The following CALB2 variants were observed in gnomAD, a reference collection of about 807,000 sequenced individuals.
CALB2 encodes the protein calbindin 2.
In CALB2, 34 loss-of-function variants were observed where a neutral mutation model predicts 45.9. That is an observed-to-expected ratio of 0.74 (90% CI 0.56 to 0.99). The LOEUF (loss-of-function observed/expected upper bound fraction) is 0.99. Ranked by LOEUF, CALB2 falls within the 50% of genes least tolerant of loss-of-function variation. The probability of loss-of-function intolerance (pLI) is 0.00; values close to 1 mark genes in which losing one functional copy is unlikely to be tolerated. For synonymous variants in CALB2, 142 were observed against 129.6 expected (o/e 1.10, Z -0.65); for missense variants, 344 against 339.3 (o/e 1.01, Z -0.11).
Position 71,389,800 on chromosome 16 carries a change from G to T in CALB2, c.751G>T (p.Ala251Ser). ...CTACAGAAAGAGCGTCATGTCCTTG[G>T]CAGAGGCAGGGAAGCTCTACCGCAA... ...TNYRKSVMSL[A>S]EAGKLYRKDL... is the part of the protein sequence containing the mutation. The change falls in exon 11 of 11, where the codon GCA (alanine) becomes TCA (serine). Residue 251 changes from alanine to serine, a missense_variant. Physicochemically the swap from Ala to Ser is moderately conservative, Grantham distance 99. Coordinates refer to ENST00000302628, the MANE Select transcript of CALB2 (RefSeq NM_001740.5). The T allele has an allele frequency of 6.2e-7, 1 of 1,614,026 alleles. No homozygotes were observed. Among genetic ancestry groups the T allele is most frequent in the East Asian group, 2.2e-5 (1 of 44,868 alleles).
intron 10 of CALB2, chr16:71,389,471 A>G (rs2042610917): frequency 1.7e-6 from 1 of 588,470 alleles, no homozygotes; most frequent in Non-Finnish European, 3.2e-6. Context: ...CACCTCCATG[A>G]GGCATGAACT....
chr16:71,383,835 TC>T, intron 6 of CALB2, 134 bp from the exon 7 acceptor site: 1 of 996,194 alleles, frequency 1.0e-6, no homozygotes, highest in Middle Eastern at 2.1e-4. Context: ...CCATGTTGGT[TC>T]TTGGCCCCTA....
At chr16:71,360,775 GACC>G (rs2042230218) in intron 1 of CALB2, among the ~76,000 whole-genome samples, 1 of 152,204 alleles carries the variant, frequency 6.6e-6, no homozygotes, top group Non-Finnish European at 1.5e-5. Context: ...CTGCTGGGCA[GACC>G]ATGACTCCCC....
chr16:71,358,840 G>A lies in CALB2; in HGVS notation c.48G>A (p.Leu16=). ...QQPPYLHLAE[L]TASQFLEIWK... is the part of the protein sequence containing the mutation. Reference sequence around the variant, plus strand: ...CCCCTTACCTGCACCTGGCCGAGCTGACGGCGTCCCAGTTCCTGGAAATAT... The same window carrying A: ...CCCCTTACCTGCACCTGGCCGAGCTAACGGCGTCCCAGTTCCTGGAAATAT... The change falls in exon 1 of 11, where the codon CTG becomes CTA. Residue 16 remains leucine, a synonymous_variant. Transcript: ENST00000302628. The A allele has an allele frequency of 6.2e-7, 1 of 1,612,940 alleles. No individual in the cohort carries two copies. The highest frequency in any genetic ancestry group is 8.5e-7 in the Non-Finnish European group (1 of 1,179,810).
chr16:71,365,023 G>C (rs1377038528), intron 1 of CALB2, among the ~76,000 whole-genome samples: 1 of 152,204 alleles, frequency 6.6e-6, no homozygotes, highest in Non-Finnish European at 1.5e-5. Flanking sequence ...GTGGGAAGTG[G>C]AAAGCTTTTT....
chr16:71,374,885 C>A, intron 3 of CALB2, 51 bp downstream of exon 3: 1 of 1,271,170 alleles, frequency 7.9e-7, no homozygotes, highest in Non-Finnish European at 1.1e-6. Flanking sequence ...CCCTGGGTCC[C>A]TGTGCCTCTC....
At chr16:71,366,165 T>TACAGGCACAC (rs2042285394) in intron 1 of CALB2, among the ~76,000 whole-genome samples, 1 of 150,394 alleles carries the variant, frequency 6.6e-6, no homozygotes. Context: ...TAGATGGGAC[T>TACAGGCACAC]ACGTGTGCCC....
chr16:71,372,130 A>AT (rs776380460), intron 1 of CALB2, 23 bp from the exon 2 acceptor site: 14 of 1,513,626 alleles, frequency 9.2e-6, no homozygotes, highest in East Asian at 4.8e-5. Context: ...GCTGAGATTG[A>AT]TTTTTTCTCT....
In CALB2 at chr16:71,389,788, G is replaced by C; in HGVS notation, c.739G>C (p.Val247Leu). 1 of 1,614,044 alleles carries C rather than the reference G, an allele frequency of 6.2e-7. No individual in the cohort carries two copies. The highest frequency in any genetic ancestry group is 1.1e-5 in the South Asian group (1 of 91,084). The change falls in exon 11 of 11, where the codon GTC (valine) becomes CTC (leucine). Residue 247 changes from valine to leucine, a missense_variant. Around this residue, in one of 3 missense-constraint regions of CALB2, gnomAD observed 263 missense variants for 241.7 expected, o/e 1.09. Coordinates refer to ENST00000302628, the MANE Select transcript of CALB2 (RefSeq NM_001740.5). Reference protein sequence around the residue: ...IQQLTNYRKSVMSLAEAGKLY... With the variant: ...IQQLTNYRKSLMSLAEAGKLY... ...ACAGCTCACCAACTACAGAAAGAGC[G>C]TCATGTCCTTGGCAGAGGCAGGGAA...
At chr16:71,367,439 C>G (rs573250671) in intron 1 of CALB2, among the ~76,000 whole-genome samples, 1 of 152,328 alleles carries the variant, frequency 6.6e-6, no homozygotes, top group South Asian at 2.1e-4. Flanking sequence ...AGCCCCTCCT[C>G]TACCCCAGCC....
chr16:71,382,873 G>A, intron 5 of CALB2, 98 bp downstream of exon 5: 1 of 1,092,844 alleles, frequency 9.2e-7, no homozygotes, highest in Non-Finnish European at 1.3e-6. Flanking sequence ...TGAGTTTGCG[G>A]GCTGCTTAGG....
intron 1 of CALB2, among the ~76,000 whole-genome samples, chr16:71,366,305 G>A (rs1433093247): frequency 5.6e-5 from 8 of 141,776 alleles, no homozygotes; most frequent in Non-Finnish European, 1.2e-4. Flanking sequence ...GATTACAGGC[G>A]TGAGCCACAG....
chr16:71,379,914 G>A (rs982195311), intron 4 of CALB2, among the ~76,000 whole-genome samples: 3 of 152,172 alleles, frequency 2.0e-5, no homozygotes, highest in Non-Finnish European at 4.4e-5. Context: ...TTTTCAAGAT[G>A]GCAAGATTCC....
At chr16:71,366,228 G>C (rs8046823) in intron 1 of CALB2, among the ~76,000 whole-genome samples, 1 of 148,672 alleles carries the variant, frequency 6.7e-6, no homozygotes, top group South Asian at 2.1e-4. Flanking sequence ...GGATTTCACC[G>C]TGTTAGCCAG....
At chr16:71,364,505 C>T (rs1298831566) in intron 1 of CALB2, among the ~76,000 whole-genome samples, 2 of 152,208 alleles carry the variant, frequency 1.3e-5, no homozygotes, top group East Asian at 1.9e-4. Flanking sequence ...CGGATTGCAT[C>T]CCAGGCCCTC....
intron 4 of CALB2, 148 bp downstream of exon 4, chr16:71,377,895 C>T (rs749928981): frequency 4.0e-5 from 24 of 595,422 alleles, no homozygotes; most frequent in Non-Finnish European, 6.5e-5. Context: ...GTCCGTGGAC[C>T]GGCAGCATCA....
intron 10 of CALB2, chr16:71,389,543 A>G (rs765066344): frequency 4.1e-6 from 3 of 724,822 alleles, no homozygotes; most frequent in African/African-American, 3.4e-5. Context: ...TACCTTCCCC[A>G]AAGCAATGCA....
At chr16:71,375,361 T>C (rs1353850402) in intron 3 of CALB2, among the ~76,000 whole-genome samples, 1 of 152,136 alleles carries the variant, frequency 6.6e-6, no homozygotes, top group African/African-American at 2.4e-5. Flanking sequence ...CACATACTCA[T>C]ATACAGGTGC....
chr16:71,378,200 G>A (rs2042440370), intron 4 of CALB2, among the ~76,000 whole-genome samples: 3 of 152,120 alleles, frequency 2.0e-5, no homozygotes. Flanking sequence ...CTCTCAGCTT[G>A]GGTGACAGAG....
Sources: allele counts gnomAD v4.1 joint callset (sites outside exome capture counted in the v4.1 genomes callset), GRCh38; gene constraint gnomAD v4.1.1; regional missense constraint gnomAD v4.1.1; transcripts MANE v1.5; gene names NCBI Gene and HGNC (gene_info 2026-07-23, HGNC 2026-07-21).